RB1: variants seen among roughly 807,000 people sequenced by gnomAD.
RB1 encodes the protein RB transcriptional corepressor 1.
RB1 carries 18 observed loss-of-function variants against 135.4 expected under a neutral mutation model. The observed-to-expected ratio is 0.13, with a 90% confidence interval of 0.09 to 0.20. The LOEUF (loss-of-function observed/expected upper bound fraction) is 0.20. RB1 is among the 10% of genes least tolerant of loss of function. RB1 has a pLI of 1.00. For missense variants in RB1, 868 were observed against 1,110.0 expected (o/e 0.78, Z 3.10); for synonymous variants, 365 against 373.2 (o/e 0.98, Z 0.25).
chr13:48,412,237 C>G (rs1290572186), intron 17 of RB1: 1 of 1,614,068 alleles, frequency 6.2e-7, no homozygotes, highest in Non-Finnish European at 8.5e-7. Context: ...AAAAGCAAGT[C>G]TGACATTGCC....
chr13:48,350,188 C>T (rs776797902), intron 6 of RB1, among the ~76,000 whole-genome samples: 5 of 151,986 alleles, frequency 3.3e-5, no homozygotes, highest in Non-Finnish European at 7.4e-5. Flanking sequence ...CTATATAGAC[C>T]ATATGAATCT....
At chr13:48,474,062 G>A (rs1165656746) in intron 24 of RB1, among the ~76,000 whole-genome samples, 2 of 152,150 alleles carry the variant, frequency 1.3e-5, no homozygotes, top group Non-Finnish European at 1.5e-5. Context: ...TATAGGGTGA[G>A]GTCCAGAAGA....
intron 17 of RB1, among the ~76,000 whole-genome samples, chr13:48,407,736 C>A (rs1398341413): frequency 1.3e-5 from 2 of 152,008 alleles, no homozygotes; most frequent in Admixed American, 6.6e-5. Context: ...ATGGGTAATT[C>A]AGTTTTCAGG....
At chr13:48,393,764 AT>A (rs980766354) in intron 17 of RB1, among the ~76,000 whole-genome samples, 1 of 152,068 alleles carries the variant, frequency 6.6e-6, no homozygotes, top group Non-Finnish European at 1.5e-5. Context: ...GTTATTAACT[AT>A]TTTTTTGTAT....
intron 19 of RB1, among the ~76,000 whole-genome samples, chr13:48,456,794 ACT>A (rs1295279992): frequency 6.6e-6 from 1 of 152,200 alleles, no homozygotes; most frequent in East Asian, 1.9e-4. Flanking sequence ...ACAGGTGCCA[ACT>A]CTCTGTGAGG....
At position 48,319,526 on chromosome 13, in the gene RB1, T is replaced by A; in HGVS notation, c.264+12120T>A. On this transcript the variant is annotated intron_variant, in intron 2 of 26. Coordinates refer to ENST00000267163, the MANE Select transcript of RB1 (RefSeq NM_000321.3). The surrounding 1 kb of genome is among the most constrained non-coding windows in gnomAD (Gnocchi z 5.0). ...CTTCTGAAGGGCTGCAGGGGGCTGC[T>A]GGCTTCGGGCTGCCCTTGTTCTCCT... 2 of 270,000 alleles carry A rather than the reference T, an allele frequency of 7.4e-6. No homozygotes were observed. The highest frequency in any genetic ancestry group is 1.5e-5 in the Non-Finnish European group (2 of 137,374). 16.7% of individuals were successfully genotyped at this position (270,000 alleles called of 1,614,324 possible).
intron 2 of RB1, chr13:48,317,348 G>A (rs1046307631): frequency 2.6e-6 from 1 of 381,316 alleles, no homozygotes; most frequent in Non-Finnish European, 4.7e-6. Flanking sequence ...CCGACGCCCC[G>A]CCTCCACTCC....
chr13:48,362,793 A>G, intron 7 of RB1, 22 bp from the exon 8 acceptor site: 1 of 1,608,264 alleles, frequency 6.2e-7, no homozygotes, highest in Non-Finnish European at 8.5e-7. Flanking sequence ...AATTGTTCTT[A>G]TCTAATTTAC....
At chr13:48,338,590 T>C (rs1388451634) in intron 2 of RB1, among the ~76,000 whole-genome samples, 1 of 152,226 alleles carries the variant, frequency 6.6e-6, no homozygotes, top group Non-Finnish European at 1.5e-5. Flanking sequence ...CTAATCTTTT[T>C]TCAAGGTTTT....
In RB1 at chr13:48,314,102, T is replaced by TG. The variant is rs545236389; in HGVS notation, c.264+6697dup. Among the ~76,000 whole-genome samples the TG allele has an allele frequency of 8.9e-4, 136 of 152,332 alleles. 2 individuals carry two copies. The highest frequency in any genetic ancestry group is 8.9e-3 in the South Asian group (43 of 4,824). ...TGTTTTGTAGTATGTTTTATAGCTT[T>TG]GTAGTATGTTTTGAAATAGGGAAGT... On this transcript the variant is annotated intron_variant, in intron 2 of 26. Coordinates refer to ENST00000267163, the MANE Select transcript of RB1 (RefSeq NM_000321.3).
chr13:48,459,913 CTT>C (rs370484873), intron 20 of RB1, 80 bp downstream of exon 20: 3 of 479,780 alleles, frequency 6.3e-6, no homozygotes, highest in Non-Finnish European at 1.0e-5. Context: ...TTCTTTCTTT[CTT>C]TCTTTCTTTC....
intron 17 of RB1, among the ~76,000 whole-genome samples, chr13:48,410,353 A>G (rs1391076441): frequency 6.6e-6 from 1 of 152,226 alleles, no homozygotes; most frequent in African/African-American, 2.4e-5. Flanking sequence ...ATAGGTTTGT[A>G]GCCTAGAAGC....
At chr13:48,361,551 A>G (rs140843657) in intron 7 of RB1, among the ~76,000 whole-genome samples, 246 of 152,316 alleles carry the variant, frequency 1.6e-3, no homozygotes, top group African/African-American at 5.5e-3. Context: ...CTTTTTAAAA[A>G]GCATAATTAC....
rs77247976 is a variant in RB1 at position 48,315,921 on chromosome 13, C to T, written c.264+8515C>T. Among the ~76,000 whole-genome samples the T allele has an allele frequency of 1.8e-4, 28 of 152,336 alleles. No individual in the cohort carries two copies. In the East Asian group the frequency reaches 2.5e-3, roughly 14 times the overall value. The stretch of plus-strand genomic sequence containing the variant: ...CTTCTAGTTCTTTGAGAAATCCTCA[C>T]ACTGTTTTCCATAGAGGTTGTGCTA... On this transcript the variant is annotated intron_variant, in intron 2 of 26. Coordinates refer to ENST00000267163, the MANE Select transcript of RB1 (RefSeq NM_000321.3).
rs2138359322 is a variant in RB1, at chr13:48,476,780, A to G, written c.2600A>G (p.Asn867Ser). Residue 867 changes from asparagine (N) to serine (S), a missense_variant, in exon 25 of 27, where the codon AAC (asparagine) becomes AGC (serine). Asn to Ser is a conservative substitution (Grantham distance 46). Transcript: ENST00000267163. ...CTCAAAAGAAGTGCTGAAGGAAGCA[A>G]CCCTCCTAAACCACTGAAAAAACTA... ...RVLKRSAEGS[N>S]PPKPLKKLRF... 1 of 1,613,708 alleles carries G rather than the reference A, an allele frequency of 6.2e-7. No individual in the cohort carries two copies. Among genetic ancestry groups the G allele is most frequent in the Non-Finnish European group, 8.5e-7 (1 of 1,179,712 alleles).
At position 48,360,060 on chromosome 13, in the gene RB1, G is replaced by C. The variant is rs2138107741; in HGVS notation, c.651G>C (p.Gln217His). The C allele has an allele frequency of 6.2e-7, 1 of 1,612,498 alleles. No individual in the cohort carries two copies. The highest frequency in any genetic ancestry group is 8.5e-7 in the Non-Finnish European group (1 of 1,179,204). Residue 217 changes from glutamine to histidine, a missense_variant, in exon 7 of 27, where the codon CAG becomes CAC. Gln to His is a conservative substitution (Grantham distance 24). Coordinates refer to ENST00000267163, the MANE Select transcript of RB1 (RefSeq NM_000321.3). ...QMEDDLVISF[Q>H]LMLCVLDYFI... The stretch of plus-strand genomic sequence containing the variant: ...AAGATGATCTGGTGATTTCATTTCA[G>C]TTAATGCTATGTGTCCTTGACTATT...
At chr13:48,309,373 C>T (rs1952112731) in intron 2 of RB1, among the ~76,000 whole-genome samples, 1 of 152,034 alleles carries the variant, frequency 6.6e-6, no homozygotes, top group African/African-American at 2.4e-5. Flanking sequence ...TGTTTAAAAC[C>T]ATTAAATAAA....
chr13:48,387,786 A>G (rs1177328863), intron 17 of RB1, among the ~76,000 whole-genome samples: 5 of 152,314 alleles, frequency 3.3e-5, no homozygotes, highest in South Asian at 4.1e-4. Context: ...CAAAGTAAAT[A>G]TTAATAGATT....
chr13:48,361,833 G>A (rs1952643409), intron 7 of RB1, among the ~76,000 whole-genome samples: 1 of 151,332 alleles, frequency 6.6e-6, no homozygotes, highest in Non-Finnish European at 1.5e-5. Context: ...GGTTTTTGCT[G>A]ATCATATTCT....
Sources: allele counts gnomAD v4.1 joint callset (sites outside exome capture counted in the v4.1 genomes callset), GRCh38; gene constraint gnomAD v4.1.1; non-coding constraint Gnocchi (gnomAD v3.1); transcripts MANE v1.5; gene names NCBI Gene and HGNC (gene_info 2026-07-23, HGNC 2026-07-21).